The following CCSER1 variants were observed in gnomAD, a reference collection of about 807,000 sequenced individuals.
CCSER1 encodes serine-rich coiled-coil domain-containing protein 1.
CCSER1 carries 41 observed loss-of-function variants against 82.0 expected under a neutral mutation model. That is an observed-to-expected ratio of 0.50 (90% CI 0.39 to 0.65). CCSER1 has a LOEUF of 0.65. Ranked by LOEUF, CCSER1 falls within the 30% of genes least tolerant of loss-of-function variation. CCSER1 has a pLI of 0.00. For synonymous variants in CCSER1, 414 were observed against 383.9 expected, an observed-to-expected ratio of 1.08 and a Z score of -0.92; for missense variants, 1,119 against 1,064.2, an observed-to-expected ratio of 1.05 and a Z score of -0.72.
chr4:91,431,613 A>G (rs914095888), intron 10 of CCSER1, among the ~76,000 whole-genome samples: 4 of 151,876 alleles, frequency 2.6e-5, no homozygotes, highest in Admixed American at 2.6e-4. Flanking sequence ...GATTACGGGC[A>G]TGCACCACCA....
chr4:90,690,617 C>T (rs561261890), intron 6 of CCSER1, among the ~76,000 whole-genome samples: 4 of 152,182 alleles, frequency 2.6e-5, no homozygotes, highest in Non-Finnish European at 2.9e-5. Flanking sequence ...CTCATCTTTT[C>T]TTCCAAAGTG....
At chr4:91,131,907 T>C (rs1728031491) in intron 10 of CCSER1, among the ~76,000 whole-genome samples, 1 of 151,976 alleles carries the variant, frequency 6.6e-6, no homozygotes, top group Non-Finnish European at 1.5e-5. Flanking sequence ...GCTGGCTGTA[T>C]GATTTTGGAT....
At chr4:90,299,620 T>C (rs1266466921) in intron 1 of CCSER1, among the ~76,000 whole-genome samples, 1 of 152,072 alleles carries the variant, frequency 6.6e-6, no homozygotes, top group African/African-American at 2.4e-5. Flanking sequence ...TTCGTCATTG[T>C]TGTGGGAGTC....
chr4:90,477,664 C>T (rs1765298614), intron 5 of CCSER1, among the ~76,000 whole-genome samples: 1 of 151,244 alleles, frequency 6.6e-6, no homozygotes. Context: ...ATATTAAGCC[C>T]TTTTACAACA....
chr4:91,006,947 T>C (rs908543181), intron 9 of CCSER1, among the ~76,000 whole-genome samples: 1 of 152,202 alleles, frequency 6.6e-6, no homozygotes, highest in Non-Finnish European at 1.5e-5. Context: ...TTGAGGTACA[T>C]ACTTGCTATC....
intron 9 of CCSER1, among the ~76,000 whole-genome samples, chr4:91,054,117 C>G (rs1314122622): frequency 6.6e-6 from 1 of 152,164 alleles, no homozygotes; most frequent in Non-Finnish European, 1.5e-5. Flanking sequence ...AGGTTGCCCT[C>G]AGACTTGTAG....
intron 9 of CCSER1, among the ~76,000 whole-genome samples, chr4:90,948,075 T>G (rs41489045): frequency 0.28 from 41,988 of 151,882 alleles, 7,183 homozygotes; most frequent in East Asian, 0.4. Context: ...CAAAGTAAAC[T>G]GCATCTTTCT....
intron 8 of CCSER1, among the ~76,000 whole-genome samples, chr4:90,837,988 G>A (rs147252333): frequency 1.3e-5 from 2 of 152,048 alleles, no homozygotes; most frequent in East Asian, 1.9e-4. Flanking sequence ...ATATTAAAAT[G>A]CCCTGCATAA....
chr4:90,182,308 TA>T (rs751049679), intron 1 of CCSER1, among the ~76,000 whole-genome samples: 4 of 152,098 alleles, frequency 2.6e-5, no homozygotes, highest in Non-Finnish European at 5.9e-5. Flanking sequence ...TTATTTGACC[TA>T]AAAAATAGAA....
chr4:90,268,442 A>G (rs1043432649), intron 1 of CCSER1, among the ~76,000 whole-genome samples: 1 of 152,180 alleles, frequency 6.6e-6, no homozygotes, highest in African/African-American at 2.4e-5. Flanking sequence ...CTTTTTGCTT[A>G]TTAGTTTGTC....
intron 6 of CCSER1, among the ~76,000 whole-genome samples, chr4:90,674,769 A>G (rs966759822): frequency 6.6e-6 from 1 of 151,756 alleles, no homozygotes; most frequent in African/African-American, 2.4e-5. Flanking sequence ...TATAGCATGT[A>G]AGAAAATGTG....
intron 9 of CCSER1, among the ~76,000 whole-genome samples, chr4:91,004,142 G>C (rs947462913): frequency 1.3e-5 from 2 of 152,150 alleles, no homozygotes; most frequent in African/African-American, 4.8e-5. Flanking sequence ...GGCTCTTCTG[G>C]TTTATTCCTG....
intron 10 of CCSER1, among the ~76,000 whole-genome samples, chr4:91,410,697 GA>G (rs1425330954): frequency 5.3e-5 from 8 of 152,054 alleles, no homozygotes; most frequent in African/African-American, 1.9e-4. Flanking sequence ...AAGAGAAAAA[GA>G]ATGTATAATT....
At chr4:91,023,363 A>G (rs2150533310) in intron 9 of CCSER1, among the ~76,000 whole-genome samples, 1 of 152,328 alleles carries the variant, frequency 6.6e-6, no homozygotes, top group Non-Finnish European at 1.5e-5. Context: ...ATCCTAAGCC[A>G]AAAGAACAAA....
At chr4:90,482,772 G>A (rs1766263836) in intron 5 of CCSER1, among the ~76,000 whole-genome samples, 1 of 152,016 alleles carries the variant, frequency 6.6e-6, no homozygotes, top group African/African-American at 2.4e-5. Context: ...TACATTTGCT[G>A]AGGAGTGCTT....
intron 10 of CCSER1, among the ~76,000 whole-genome samples, chr4:91,463,197 C>T (rs1428812678): frequency 6.6e-6 from 1 of 152,184 alleles, no homozygotes; most frequent in South Asian, 2.1e-4. Flanking sequence ...ATTTGCTGTT[C>T]AGCAATAATC....
intron 8 of CCSER1, among the ~76,000 whole-genome samples, chr4:90,908,866 A>G (rs539867562): frequency 3.7e-4 from 57 of 152,300 alleles, no homozygotes; most frequent in African/African-American, 9.6e-4. Context: ...GAAGGTATGG[A>G]TGAAGACAGG....
intron 6 of CCSER1, among the ~76,000 whole-genome samples, chr4:90,648,331 A>G (rs190027958): frequency 6.6e-5 from 10 of 150,404 alleles, no homozygotes; most frequent in South Asian, 2.1e-4. Flanking sequence ...GAAAGAAAGA[A>G]AGAAAGAAAG....
At chr4:90,304,368 A>T (rs1733802145) in intron 1 of CCSER1, among the ~76,000 whole-genome samples, 1 of 152,244 alleles carries the variant, frequency 6.6e-6, no homozygotes, top group Non-Finnish European at 1.5e-5. Context: ...TTGCGGCATT[A>T]TTCACAACAG....
Sources: allele counts gnomAD v4.1 joint callset (sites outside exome capture counted in the v4.1 genomes callset), GRCh38; gene constraint gnomAD v4.1.1; transcripts MANE v1.5; gene names NCBI Gene and HGNC (gene_info 2026-07-23, HGNC 2026-07-21).